COL11A1: variants seen among roughly 807,000 people sequenced by gnomAD.
COL11A1 encodes collagen type XI alpha 1 chain.
COL11A1 carries 74 observed loss-of-function variants against 265.2 expected under a neutral mutation model. That is an observed-to-expected ratio of 0.28 (90% CI 0.23 to 0.34). The LOEUF (loss-of-function observed/expected upper bound fraction) is 0.34. Ranked by LOEUF, COL11A1 falls within the 10% of genes least tolerant of loss-of-function variation. The pLI, the probability that COL11A1 is intolerant of heterozygous loss-of-function variation, is 1.00. For synonymous variants in COL11A1, 816 were observed against 727.6 expected (o/e 1.12, Z -1.96); for missense variants, 2,165 against 2,263.6 (o/e 0.96, Z 0.88).
At chr1:103,065,522 C>CAAAAAAAAAAAAA (rs138446065) in intron 4 of COL11A1, among the ~76,000 whole-genome samples, 2 of 35,358 alleles carry the variant, frequency 5.7e-5, no homozygotes, top group African/African-American at 2.7e-4. Context: ...GACTCCGTCT[C>CAAAAAAAAAAAAA]AAAAAAAAAA....
intron 4 of COL11A1, among the ~76,000 whole-genome samples, chr1:103,040,431 A>G (rs78342625): frequency 0.081 from 12,202 of 151,554 alleles, 546 homozygotes; most frequent in African/African-American, 0.12. Flanking sequence ...TTATGTTAAC[A>G]TGAATCAAGA....
chr1:102,888,651 G>T, intron 61 of COL11A1, 21 bp from the exon 62 acceptor site: 1 of 1,613,750 alleles, frequency 6.2e-7, no homozygotes, highest in Middle Eastern at 1.7e-4. Flanking sequence ...GAAGAGAGAG[G>T]ACATAAATAA....
intron 54 of COL11A1, among the ~76,000 whole-genome samples, chr1:102,905,022 A>G (rs1004453836): frequency 6.6e-6 from 1 of 152,014 alleles, no homozygotes; most frequent in African/African-American, 2.4e-5. Flanking sequence ...GTACATATAC[A>G]CCATGGAATA....
intron 1 of COL11A1, chr1:103,100,309 A>G (rs967763230): frequency 6.6e-6 from 1 of 151,920 alleles, no homozygotes; most frequent in Non-Finnish European, 1.5e-5. Flanking sequence ...AATGATCTAT[A>G]AGAGTTCTTT....
intron 30 of COL11A1, among the ~76,000 whole-genome samples, chr1:102,984,651 G>C (rs1337161293): frequency 1.3e-5 from 2 of 151,816 alleles, no homozygotes; most frequent in African/African-American, 4.8e-5. Flanking sequence ...ATAAAACAAG[G>C]GATCATGAGT....
rs145833654 is a variant in COL11A1, at chr1:102,908,100, G to T, written c.4086+4059C>A. On this transcript the variant is annotated intron_variant, in intron 54 of 66. Transcript: ENST00000370096. ...TTGTCAGAGTACATTTTTGTTAATT[G>T]GTGTATGTGATATAGTATCTCAGTG... 8.1e-3 allele frequency among the ~76,000 whole-genome samples: 1,231 copies of T among 152,082 alleles called. 17 individuals carry two copies. Among genetic ancestry groups the T allele is most frequent in the Non-Finnish European group, 0.013 (855 of 67,894 alleles).
rs202011565 is a variant in COL11A1 at position 103,006,281 on chromosome 1, G to T, written c.1718C>A (p.Thr573Lys). The change falls in exon 16 of 67, where the codon ACG becomes AAG. Residue 573 changes from threonine to lysine, a missense_variant. By Grantham distance (78) the Thr-to-Lys change is moderately conservative (BLOSUM62 -1). Transcript: ENST00000370096. ...PRGVQGPPGP[T>K]GKPGKRGRPG... is the part of the protein sequence containing the mutation. The stretch of plus-strand genomic sequence containing the variant: ...CCATACCCTTTTTCCAGGTTTTCCC[G>T]TTGGACCAGGGGGACCCTGGACGCC... 2.5e-6 allele frequency: 4 copies of T among 1,608,792 alleles called. No individual in the cohort carries two copies. The East Asian group carries it at 6.8e-5, about 27-fold the overall frequency.
intron 9 of COL11A1, among the ~76,000 whole-genome samples, chr1:103,019,350 G>A (rs1207261620): frequency 3.9e-5 from 6 of 151,996 alleles, no homozygotes; most frequent in Non-Finnish European, 7.4e-5. Context: ...CTCTTTATAA[G>A]CAAAGGAATA....
intron 54 of COL11A1, among the ~76,000 whole-genome samples, chr1:102,904,796 C>G (rs1409018857): frequency 6.6e-6 from 1 of 151,912 alleles, no homozygotes; most frequent in East Asian, 1.9e-4. Flanking sequence ...ACTAGTTCAA[C>G]CATTGTGGAA....
chr1:103,057,713 C>G (rs1455405209), intron 4 of COL11A1, among the ~76,000 whole-genome samples: 2 of 152,114 alleles, frequency 1.3e-5, no homozygotes, highest in Non-Finnish European at 2.9e-5. Flanking sequence ...GGTTTATTGT[C>G]AATGAGCAGT....
chr1:102,887,457 G>T (rs1297501045), intron 62 of COL11A1, among the ~76,000 whole-genome samples: 2 of 152,066 alleles, frequency 1.3e-5, no homozygotes, highest in African/African-American at 4.8e-5. Flanking sequence ...AATCAACTGT[G>T]TATTATATTT....
At chr1:103,018,669 A>T in intron 10 of COL11A1, 149 bp downstream of exon 10, 1 of 622,956 alleles carries the variant, frequency 1.6e-6, no homozygotes, top group Non-Finnish European at 2.8e-6. Context: ...ATCAGAAGGC[A>T]GTTCAAAGGC....
At chr1:103,061,943 A>G (rs571781054) in intron 4 of COL11A1, among the ~76,000 whole-genome samples, 42 of 152,016 alleles carry the variant, frequency 2.8e-4, no homozygotes, top group Admixed American at 5.9e-4. Flanking sequence ...ATAAGCCTCT[A>G]GCTAAGCCAA....
At chr1:103,038,146 G>C (rs1668518982) in intron 4 of COL11A1, among the ~76,000 whole-genome samples, 1 of 152,146 alleles carries the variant, frequency 6.6e-6, no homozygotes, top group African/African-American at 2.4e-5. Context: ...CAAAACTTTT[G>C]AGGGATGAAA....
chr1:102,946,203 G>T (rs1321175849), intron 42 of COL11A1, among the ~76,000 whole-genome samples: 18 of 139,708 alleles, frequency 1.3e-4, no homozygotes, highest in Non-Finnish European at 1.1e-4. Flanking sequence ...GGGAGGGATA[G>T]CATTAGGAGA....
At chr1:103,099,686 C>T (rs1031073331) in intron 1 of COL11A1, among the ~76,000 whole-genome samples, 8 of 151,676 alleles carry the variant, frequency 5.3e-5, no homozygotes, top group South Asian at 4.1e-4. Context: ...ATTTATGCTA[C>T]GGTCAATACC....
intron 59 of COL11A1, among the ~76,000 whole-genome samples, chr1:102,889,173 C>A (rs567278514): frequency 2.1e-4 from 32 of 152,052 alleles, no homozygotes; most frequent in African/African-American, 7.7e-4. Context: ...TGTGTATATT[C>A]CTTTATCCCT....
At chr1:102,994,076 T>C (rs1386905874) in intron 28 of COL11A1, among the ~76,000 whole-genome samples, 3 of 152,188 alleles carry the variant, frequency 2.0e-5, no homozygotes, top group Non-Finnish European at 2.9e-5. Context: ...CAGTAGCTTT[T>C]TCCAGATAAA....
chr1:103,103,608 ACTAAT>A (rs1476234278), intron 1 of COL11A1, among the ~76,000 whole-genome samples: 2 of 151,970 alleles, frequency 1.3e-5, no homozygotes, highest in Admixed American at 6.6e-5. Flanking sequence ...CTACCTTCTC[ACTAAT>A]CTAAACTCTA....
Sources: gnomAD v4.1 joint callset for allele counts (sites outside exome capture counted in the v4.1 genomes callset) on GRCh38, gnomAD v4.1.1 for gene constraint, MANE v1.5 for transcripts, NCBI Gene and HGNC (gene_info 2026-07-23, HGNC 2026-07-21) for gene names.